PARP8: variants seen among roughly 807,000 people sequenced by gnomAD.
The protein encoded by PARP8 is protein mono-ADP-ribosyltransferase PARP8.
Under a neutral mutation model 124.1 loss-of-function variants are expected in PARP8, and 51 were observed. The ratio of observed to expected loss-of-function variants is 0.41; its 90% CI spans 0.33 to 0.52. The LOEUF (loss-of-function observed/expected upper bound fraction) is 0.52, where lower values mean the gene tolerates loss of function less well. PARP8 is among the 20% of genes least tolerant of loss of function. PARP8 has a pLI of 0.21. For missense variants in PARP8, 860 were observed against 1,018.9 expected, an observed-to-expected ratio of 0.84 and a Z score of 2.12; for synonymous variants, 391 against 361.5, an observed-to-expected ratio of 1.08 and a Z score of -0.93.
chr5:50,679,203 G>C (rs574474874), intron 2 of PARP8, among the ~76,000 whole-genome samples: 1 of 152,156 alleles, frequency 6.6e-6, no homozygotes, highest in African/African-American at 2.4e-5. Flanking sequence ...ATAAATGCAT[G>C]CAGTTTTCTT....
intron 2 of PARP8, among the ~76,000 whole-genome samples, chr5:50,724,446 A>C (rs2149508841): frequency 6.6e-6 from 1 of 152,188 alleles, no homozygotes; most frequent in East Asian, 1.9e-4. Flanking sequence ...GTTATTCTTT[A>C]CTGAAAGCAG....
chr5:50,734,955 C>T (rs1171011860), intron 2 of PARP8, among the ~76,000 whole-genome samples: 1 of 151,884 alleles, frequency 6.6e-6, no homozygotes, highest in East Asian at 1.9e-4. Context: ...CAAATCATAA[C>T]AATTAATATT....
intron 3 of PARP8, among the ~76,000 whole-genome samples, chr5:50,753,753 T>A (rs1450909665): frequency 6.6e-6 from 1 of 151,986 alleles, no homozygotes; most frequent in Non-Finnish European, 1.5e-5. Flanking sequence ...CAATATAATT[T>A]TTTTAGAGTT....
chr5:50,751,178 C>T (rs1759217341), intron 3 of PARP8, among the ~76,000 whole-genome samples: 1 of 152,084 alleles, frequency 6.6e-6, no homozygotes. Flanking sequence ...ATCTGTAGCA[C>T]AGGATGTATG....
At chr5:50,703,470 C>T (rs1753805648) in intron 2 of PARP8, among the ~76,000 whole-genome samples, 1 of 151,866 alleles carries the variant, frequency 6.6e-6, no homozygotes, top group African/African-American at 2.4e-5. Context: ...TGGAGGTCTC[C>T]TTAGGGGGGT....
intron 15 of PARP8, among the ~76,000 whole-genome samples, chr5:50,818,827 C>T (rs1038967044): frequency 3.3e-5 from 5 of 152,156 alleles, no homozygotes; most frequent in East Asian, 3.8e-4. Context: ...CATAAAATCA[C>T]GGGCAGCTTA....
At chr5:50,791,981 G>C (rs1410386950) in intron 10 of PARP8, among the ~76,000 whole-genome samples, 1 of 152,120 alleles carries the variant, frequency 6.6e-6, no homozygotes, top group Non-Finnish European at 1.5e-5. Context: ...GACTGCTCTA[G>C]TGCATAGTTT....
chr5:50,725,172 T>A (rs936244636), intron 2 of PARP8, among the ~76,000 whole-genome samples: 2 of 151,558 alleles, frequency 1.3e-5, no homozygotes, highest in African/African-American at 4.8e-5. Flanking sequence ...ATATAAAACA[T>A]GTTCTGTATC....
At chr5:50,811,600 T>C (rs1744450084) in intron 14 of PARP8, among the ~76,000 whole-genome samples, 1 of 152,096 alleles carries the variant, frequency 6.6e-6, no homozygotes, top group Admixed American at 6.6e-5. Flanking sequence ...TGGGTGTTTT[T>C]TTTTTATTCT....
At position 50,680,887 on chromosome 5, in the gene PARP8, A is replaced by G. The variant is rs191153894; in HGVS notation, c.146+12762A>G. On this transcript the variant is annotated intron_variant, in intron 2 of 25. Coordinates refer to ENST00000281631, the MANE Select transcript of PARP8 (RefSeq NM_024615.4). ...GGCATGCCTGATTTTCATAAAATCGATGCACTGTTATTAAAACAAACAGGT... is the reference window on the plus strand; with the variant it reads ...GGCATGCCTGATTTTCATAAAATCGGTGCACTGTTATTAAAACAAACAGGT... 3.2e-3 allele frequency among the ~76,000 whole-genome samples: 492 copies of G among 152,282 alleles called. 1 individual carries two copies. Among genetic ancestry groups the G allele is most frequent in the Non-Finnish European group, 5.2e-3 (351 of 68,002 alleles).
intron 2 of PARP8, among the ~76,000 whole-genome samples, chr5:50,741,059 A>C (rs193066548): frequency 8.1e-4 from 124 of 152,240 alleles, no homozygotes; most frequent in African/African-American, 3.0e-3. Flanking sequence ...AGCCTCTTTA[A>C]ACTTTTTATG....
At chr5:50,756,870 T>C (rs1760018144) in intron 3 of PARP8, among the ~76,000 whole-genome samples, 1 of 152,164 alleles carries the variant, frequency 6.6e-6, no homozygotes, top group African/African-American at 2.4e-5. Context: ...ATTCTCTGCT[T>C]ATACTAGTTC....
intron 2 of PARP8, among the ~76,000 whole-genome samples, chr5:50,748,268 A>G (rs1758837309): frequency 6.6e-6 from 1 of 151,888 alleles, no homozygotes; most frequent in Non-Finnish European, 1.5e-5. Flanking sequence ...TTAATATATC[A>G]TTTTACATCA....
chr5:50,742,240 A>G (rs1758124129), intron 2 of PARP8, among the ~76,000 whole-genome samples: 1 of 152,224 alleles, frequency 6.6e-6, no homozygotes, highest in Non-Finnish European at 1.5e-5. Flanking sequence ...CTTAAAAACA[A>G]ATACATTTGT....
intron 2 of PARP8, among the ~76,000 whole-genome samples, chr5:50,728,950 C>A (rs1443168261): frequency 6.6e-6 from 1 of 151,968 alleles, no homozygotes; most frequent in Non-Finnish European, 1.5e-5. Flanking sequence ...TTGAAAAAGG[C>A]AACTTATTAT....
intron 3 of PARP8, among the ~76,000 whole-genome samples, chr5:50,754,507 A>G (rs1759687852): frequency 6.6e-6 from 1 of 152,118 alleles, no homozygotes; most frequent in African/African-American, 2.4e-5. Context: ...TACAAAGGAC[A>G]TGAACTCATC....
chr5:50,716,517 T>C (rs1186335997), intron 2 of PARP8, among the ~76,000 whole-genome samples: 4 of 152,136 alleles, frequency 2.6e-5, no homozygotes, highest in African/African-American at 9.7e-5. Context: ...TTCTTTATCA[T>C]GCTGGCTCAG....
At chr5:50,829,502 T>C (rs1179920346) in intron 21 of PARP8, among the ~76,000 whole-genome samples, 1 of 152,180 alleles carries the variant, frequency 6.6e-6, no homozygotes, top group African/African-American at 2.4e-5. Flanking sequence ...GGATGACAGA[T>C]AGTATTATTA....
At chr5:50,749,601 T>G (rs2149550721) in intron 2 of PARP8, among the ~76,000 whole-genome samples, 1 of 152,208 alleles carries the variant, frequency 6.6e-6, no homozygotes, top group East Asian at 1.9e-4. Flanking sequence ...GAAAATAGAA[T>G]AAAGTTTATT....
Sources: gnomAD v4.1 joint callset for allele counts (sites outside exome capture counted in the v4.1 genomes callset) on GRCh38, gnomAD v4.1.1 for gene constraint, MANE v1.5 for transcripts, NCBI Gene and HGNC (gene_info 2026-07-23, HGNC 2026-07-21) for gene names.